CAST: variants seen among roughly 807,000 people sequenced by gnomAD.
CAST encodes the protein MIR583 host.
In CAST, 76 loss-of-function variants were observed where a neutral mutation model predicts 119.6. The observed-to-expected ratio is 0.64, with a 90% CI of 0.53 to 0.77. The LOEUF (loss-of-function observed/expected upper bound fraction) is 0.77. Ranked by LOEUF, CAST falls within the 30% of genes least tolerant of loss-of-function variation. The pLI is 0.00. For missense variants in CAST, 953 were observed against 946.5 expected (o/e 1.01, Z -0.09); for synonymous variants, 319 against 331.6 (o/e 0.96, Z 0.41).
At chr5:95,963,357 A>G in the CAST span, among the ~76,000 whole-genome samples, 179 of 152,328 alleles carry the variant, frequency 1.2e-3, 2 homozygotes, top group Non-Finnish European at 4.1e-4. Flanking sequence ...TAGTAGGTGT[A>G]TAATGTGAAT....
intron 1 of CAST, chr5:96,546,103 T>C (rs1746009761): frequency 6.6e-6 from 1 of 152,236 alleles, no homozygotes; most frequent in South Asian, 2.1e-4. Flanking sequence ...GATTTTCCTT[T>C]ATTATAATCC....
chr5:96,757,741 A>T lies in CAST; in HGVS notation c.1833+87A>T. On this transcript the variant is annotated intron_variant, in intron 24 of 31. Coordinates refer to ENST00000675179, the MANE Select transcript of CAST (RefSeq NM_001750.7). Reference sequence around the variant, plus strand: ...AGTCTTGCTCTGTCATCCAGGCGGGAGTACAGTGGTGCCATCTTCAGTCAC... The same window carrying T: ...AGTCTTGCTCTGTCATCCAGGCGGGTGTACAGTGGTGCCATCTTCAGTCAC... The T allele has an allele frequency of 4.7e-6, 4 of 848,160 alleles. No individual in the cohort carries two copies. The South Asian group carries it at 4.8e-5, about 10-fold the overall frequency. The allele number at this position is 848,160 out of a possible 1,614,324, so 52.5% of individuals were successfully genotyped here.
upstream of CAST, among the ~76,000 whole-genome samples, chr5:96,661,880 A>G (rs1409722747): frequency 6.6e-6 from 1 of 152,160 alleles, no homozygotes; most frequent in Non-Finnish European, 1.5e-5. Context: ...ACACAGACCA[A>G]TTTGTTTTTG....
chr5:96,347,942 A>C, the CAST span, among the ~76,000 whole-genome samples: 1 of 152,156 alleles, frequency 6.6e-6, no homozygotes, highest in South Asian at 2.1e-4. Flanking sequence ...CCTCCCTACA[A>C]AACCCCCAAA....
At chr5:96,347,033 G>A in the CAST span, among the ~76,000 whole-genome samples, 3 of 152,102 alleles carry the variant, frequency 2.0e-5, no homozygotes, top group Admixed American at 6.6e-5. Flanking sequence ...TCTTTCAGAC[G>A]GGTTTCAGCA....
At chr5:96,394,784 G>A in the CAST span, 1 of 1,304,610 alleles carries the variant, frequency 7.7e-7, no homozygotes, top group Non-Finnish European at 1.1e-6. Context: ...TTTCCTGCTT[G>A]GAAGTTGGGT....
intron 20 of CAST, among the ~76,000 whole-genome samples, chr5:96,751,047 G>T (rs546571640): frequency 1.3e-5 from 2 of 152,138 alleles, no homozygotes; most frequent in African/African-American, 4.8e-5. Context: ...ATAACATGCA[G>T]TAAAATCATT....
At chr5:96,529,372 G>T (rs1379385060), upstream of CAST, among the ~76,000 whole-genome samples, 3 of 146,374 alleles carry the variant, frequency 2.0e-5, no homozygotes, top group African/African-American at 5.0e-5. Context: ...TAATCATTGG[G>T]TTTTTTTTTT....
At chr5:96,309,284 A>G in the CAST span, among the ~76,000 whole-genome samples, 2 of 152,200 alleles carry the variant, frequency 1.3e-5, no homozygotes, top group South Asian at 2.1e-4. Context: ...AGCCTCAGCA[A>G]TGGTGGATAC....
chr5:96,213,878 C>T, the CAST span: 1 of 152,122 alleles, frequency 6.6e-6, no homozygotes, highest in Non-Finnish European at 1.5e-5. Context: ...AAGAGGTAAC[C>T]ATGTTTTCCA....
At chr5:96,531,293 G>A (rs921589174) in intron 1 of CAST, among the ~76,000 whole-genome samples, 3 of 152,126 alleles carry the variant, frequency 2.0e-5, no homozygotes, top group African/African-American at 7.2e-5. Flanking sequence ...GTGCAGCCCT[G>A]GAGCAGTCCA....
At chr5:96,327,820 C>T in the CAST span, among the ~76,000 whole-genome samples, 5 of 152,216 alleles carry the variant, frequency 3.3e-5, no homozygotes, top group East Asian at 9.6e-4. Context: ...CCAGCAGCTT[C>T]TGTGTATTTA....
intron 3 of CAST, chr5:96,702,750 G>A (rs1169610419): frequency 1.6e-5 from 16 of 984,848 alleles, no homozygotes; most frequent in African/African-American, 1.2e-4. Context: ...CGCCGGGCAG[G>A]GGGGCGGGGA....
chr5:96,262,282 A>G, the CAST span, among the ~76,000 whole-genome samples: 1 of 152,094 alleles, frequency 6.6e-6, no homozygotes, highest in Non-Finnish European at 1.5e-5. Context: ...TGGTGCTGAA[A>G]GTGGGTTGGG....
At chr5:96,259,118 A>G in the CAST span, among the ~76,000 whole-genome samples, 5 of 152,194 alleles carry the variant, frequency 3.3e-5, no homozygotes, top group Non-Finnish European at 5.9e-5. Context: ...TTTAGCATCT[A>G]TCTTTGGTCG....
the CAST span, among the ~76,000 whole-genome samples, chr5:96,248,886 C>T: frequency 6.6e-6 from 1 of 152,118 alleles, no homozygotes; most frequent in African/African-American, 2.4e-5. Context: ...AAATTATTGC[C>T]TGTTAATGCT....
chr5:96,676,525 CT>C (rs759235918), intron 2 of CAST, among the ~76,000 whole-genome samples: 2 of 151,930 alleles, frequency 1.3e-5, no homozygotes, highest in Non-Finnish European at 2.9e-5. Context: ...AAGTTTATGC[CT>C]CCATTTTCTA....
chr5:96,255,406 C>A, the CAST span, among the ~76,000 whole-genome samples: 1 of 152,122 alleles, frequency 6.6e-6, no homozygotes, highest in African/African-American at 2.4e-5. Flanking sequence ...AGGAAAGGCA[C>A]AGATCATTTA....
chr5:96,560,430 T>G (rs906334353), intron 1 of CAST, among the ~76,000 whole-genome samples: 11 of 151,468 alleles, frequency 7.3e-5, no homozygotes, highest in African/African-American at 1.7e-4. Flanking sequence ...ACCTACAAAA[T>G]GGGAGAAAAT....
Sources: gnomAD v4.1 joint callset for allele counts (sites outside exome capture counted in the v4.1 genomes callset) on GRCh38, gnomAD v4.1.1 for gene constraint, MANE v1.5 for transcripts, NCBI Gene and HGNC (gene_info 2026-07-23, HGNC 2026-07-21) for gene names.